Variants in ODAD2 observed in about 807,000 individuals in gnomAD.
The protein encoded by ODAD2 is outer dynein arm-docking complex subunit 2.
ODAD2 carries 89 observed loss-of-function variants against 106.8 expected under a neutral mutation model. That is an observed-to-expected ratio of 0.83 (90% confidence interval 0.70 to 0.99). The LOEUF is 0.99. Ranked by LOEUF, ODAD2 falls within the 50% of genes least tolerant of loss-of-function variation. ODAD2 has a pLI of 0.00. For missense variants in ODAD2, 1,168 were observed against 1,238.5 expected (o/e 0.94, Z 0.85); for synonymous variants, 404 against 436.2 (o/e 0.93, Z 0.92).
intron 16 of ODAD2, among the ~76,000 whole-genome samples, chr10:27,922,565 C>T (rs1844871922): frequency 6.6e-6 from 1 of 151,988 alleles, no homozygotes. Context: ...GATTACCATA[C>T]AGGCAATAGA....
intron 17 of ODAD2, among the ~76,000 whole-genome samples, chr10:27,867,316 G>A (rs1442865564): frequency 6.6e-6 from 1 of 152,250 alleles, no homozygotes. Flanking sequence ...TGTGATGAAC[G>A]GATAAGACTA....
intron 19 of ODAD2, among the ~76,000 whole-genome samples, chr10:27,827,071 G>T (rs1036985276): frequency 2.0e-5 from 3 of 152,010 alleles, no homozygotes; most frequent in Non-Finnish European, 4.4e-5. Context: ...AATAACACTT[G>T]TCCCATTGGT....
chr10:27,987,376 T>C lies in ODAD2; in HGVS notation c.382+10A>G. ...AAAGTTCAAATCACAGACTGGAGCA[T>C]TAAGATCACCTTCAACACATGCTTG... On this transcript the variant is annotated intron_variant, in intron 3 of 19. Transcript: ENST00000305242. The C allele has an allele frequency of 6.2e-7, 1 of 1,609,606 alleles. No individual in the cohort carries two copies. The highest frequency in any genetic ancestry group is 8.5e-7 in the Non-Finnish European group (1 of 1,178,224).
intron 7 of ODAD2, among the ~76,000 whole-genome samples, chr10:27,977,707 T>A (rs1445283326): frequency 6.6e-6 from 1 of 151,868 alleles, no homozygotes; most frequent in Admixed American, 6.6e-5. Context: ...AAAAACTGAA[T>A]AGCCCAATGA....
intron 16 of ODAD2, among the ~76,000 whole-genome samples, chr10:27,909,817 G>GAAAAAAA (rs35449629): frequency 2.1e-4 from 12 of 56,376 alleles, no homozygotes; most frequent in Non-Finnish European, 3.3e-4. Context: ...GTCTTCATTT[G>GAAAAAAA]AAAAAAAAAA....
chr10:27,844,658 T>A lies in ODAD2; in HGVS notation c.3021+15967A>T, dbSNP rs554133622. Among the ~76,000 whole-genome samples the A allele has an allele frequency of 5.9e-5, 9 of 152,262 alleles. No homozygotes were observed. The South Asian group carries it at 1.5e-3, about 25-fold the overall frequency. ...CTAAGATAATAAGTTTCCAACTCAA[T>A]AGGTTATGGAGAAGATTGAATAAAA... On this transcript the variant is annotated intron_variant, in intron 19 of 19. Transcript: ENST00000305242.
At chr10:27,939,263 G>A (rs899523662) in intron 14 of ODAD2, among the ~76,000 whole-genome samples, 2 of 152,022 alleles carry the variant, frequency 1.3e-5, no homozygotes, top group Admixed American at 6.6e-5. Context: ...TCTATTTTAC[G>A]CTAAGTACAT....
chr10:27,857,986 C>T (rs1198627886), intron 19 of ODAD2, among the ~76,000 whole-genome samples: 2 of 152,120 alleles, frequency 1.3e-5, no homozygotes, highest in Admixed American at 6.5e-5. Context: ...TACATGCATT[C>T]GAAGTCAGAA....
intron 16 of ODAD2, among the ~76,000 whole-genome samples, chr10:27,928,514 A>G (rs1845404584): frequency 6.6e-6 from 1 of 152,110 alleles, no homozygotes; most frequent in African/African-American, 2.4e-5. Context: ...TTAGCATGAC[A>G]CACAAAGACC....
At chr10:27,893,910 G>A (rs566777601) in intron 17 of ODAD2, among the ~76,000 whole-genome samples, 1 of 152,188 alleles carries the variant, frequency 6.6e-6, no homozygotes, top group South Asian at 2.1e-4. Context: ...AGTGCTTTGG[G>A]AGGCCGAGGT....
chr10:27,938,461 C>T (rs1485167856), intron 14 of ODAD2, among the ~76,000 whole-genome samples: 1 of 152,148 alleles, frequency 6.6e-6, no homozygotes, highest in Non-Finnish European at 1.5e-5. Context: ...TGGTCTGAAA[C>T]GTCTAGCCTC....
chr10:27,923,990 GAAA>G (rs1844995131), intron 16 of ODAD2, among the ~76,000 whole-genome samples: 2 of 132,894 alleles, frequency 1.5e-5, no homozygotes, highest in African/African-American at 5.8e-5. Flanking sequence ...AAGAAAGAAA[GAAA>G]GAAAGAAAGA....
intron 16 of ODAD2, among the ~76,000 whole-genome samples, chr10:27,917,298 C>T (rs1041096213): frequency 1.3e-5 from 2 of 152,004 alleles, no homozygotes; most frequent in Non-Finnish European, 2.9e-5. Context: ...AGGTAAATCA[C>T]ACAAAAAATA....
chr10:27,911,464 A>G (rs1249242126), intron 16 of ODAD2, among the ~76,000 whole-genome samples: 2 of 152,202 alleles, frequency 1.3e-5, no homozygotes, highest in Non-Finnish European at 2.9e-5. Flanking sequence ...TTAATGGACC[A>G]TTGGGAAACT....
rs1221593559 is a variant in ODAD2 at position 27,971,107 on chromosome 10, C to T, written c.1142+1G>A. On this transcript the variant is annotated splice_donor_variant, in intron 8 of 19. Transcript: ENST00000305242. LOFTEE classifies it high-confidence loss of function. ...GAAAACAAATGCAAATATCTACATA[C>T]CCTTTGTAATTAACAGTGGTCTTCC... The T allele has an allele frequency of 1.2e-6, 2 of 1,609,934 alleles. No homozygotes were observed. Among genetic ancestry groups the T allele is most frequent in the East Asian group, 2.2e-5 (1 of 44,852 alleles).
chr10:27,940,833 A>C lies in ODAD2; in HGVS notation c.1744-28T>G, dbSNP rs777571534. ...ATAATAATAGATAAATCCAATGTTC[A>C]TGGAAATCTTAAAAAGAACATTTAA... On this transcript the variant is annotated intron_variant, in intron 12 of 19. Coordinates refer to ENST00000305242, the MANE Select transcript of ODAD2 (RefSeq NM_018076.5). 1.8e-5 allele frequency: 29 copies of C among 1,598,628 alleles called. No homozygotes were observed. The East Asian group carries it at 6.1e-4, about 33-fold the overall frequency.
intron 19 of ODAD2, among the ~76,000 whole-genome samples, chr10:27,815,187 C>G (rs1299626939): frequency 6.6e-6 from 1 of 152,194 alleles, no homozygotes; most frequent in African/African-American, 2.4e-5. Flanking sequence ...CCAAGGCCCA[C>G]CATCCACTTG....
At chr10:27,846,193 T>C (rs1287366256) in intron 19 of ODAD2, among the ~76,000 whole-genome samples, 1 of 152,114 alleles carries the variant, frequency 6.6e-6, no homozygotes, top group Non-Finnish European at 1.5e-5. Flanking sequence ...CCTCAGCAAA[T>C]GTAAAAGAAC....
Position 27,940,890 on chromosome 10 carries a change from C to T in ODAD2, c.1744-85G>A, listed in dbSNP as rs1020085207. 5 of 1,357,364 alleles carry T rather than the reference C, an allele frequency of 3.7e-6. No individual in the cohort carries two copies. In the African/African-American group the frequency reaches 5.8e-5, roughly 16 times the overall value. The allele number at this position is 1,357,364 out of a possible 1,614,324, so 84.1% of individuals were successfully genotyped here. A position where few individuals can be genotyped will look rare whatever the true frequency, so the allele number is the denominator to read the frequency against. On this transcript the variant is annotated intron_variant, in intron 12 of 19. Coordinates refer to ENST00000305242, the MANE Select transcript of ODAD2 (RefSeq NM_018076.5). ...CTTCAATAGCTACAGTGTTCCTTAC[C>T]AAGCTCACCTCCGTCAAAAACAAGA...
Sources: gnomAD v4.1 joint callset for allele counts (sites outside exome capture counted in the v4.1 genomes callset) on GRCh38, gnomAD v4.1.1 for gene constraint, MANE v1.5 for transcripts, NCBI Gene and HGNC (gene_info 2026-07-23, HGNC 2026-07-21) for gene names.